PTAR1: variants seen among roughly 807,000 people sequenced by gnomAD.
PTAR1 encodes protein prenyltransferase alpha subunit repeat-containing protein 1.
In PTAR1, 17 loss-of-function variants were observed where a neutral mutation model predicts 45.5. The ratio of observed to expected loss-of-function variants is 0.37; its 90% CI spans 0.26 to 0.56. The LOEUF is 0.56. Ranked by LOEUF, PTAR1 falls within the 20% of genes least tolerant of loss-of-function variation. PTAR1 has a pLI of 0.77. For synonymous variants in PTAR1, 169 were observed against 171.3 expected, an observed-to-expected ratio of 0.99 and a Z score of 0.11; for missense variants, 391 against 476.3, an observed-to-expected ratio of 0.82 and a Z score of 1.67.
rs897570974 is a variant in PTAR1, at chr9:69,715,296, C to A, written c.*3046G>T. 1 of 152,104 alleles carries A rather than the reference C, an allele frequency of 6.6e-6. No individual in the cohort carries two copies. Among genetic ancestry groups the A allele is most frequent in the African/African-American group, 2.4e-5 (1 of 41,438 alleles). The allele number at this position is 152,104 out of a possible 1,614,324, so 9.4% of individuals were successfully genotyped here. A position where few individuals can be genotyped will look rare whatever the true frequency, so the allele number is the denominator to read the frequency against. Reference sequence around the variant, plus strand: ...AGCATCATTCATTCCCAATCCATTGCACTAATCCATCAATTTCTCAATCAT... The same window carrying A: ...AGCATCATTCATTCCCAATCCATTGAACTAATCCATCAATTTCTCAATCAT... On this transcript the variant is annotated 3_prime_UTR_variant, in exon 8 of 8. Transcript: ENST00000340434.
At chr9:69,752,081 A>G (rs747184738) in intron 1 of PTAR1, among the ~76,000 whole-genome samples, 6 of 152,158 alleles carry the variant, frequency 3.9e-5, no homozygotes, top group Non-Finnish European at 5.9e-5. Flanking sequence ...CTTTTTAACA[A>G]TAAGAGTAGT....
intron 1 of PTAR1, among the ~76,000 whole-genome samples, chr9:69,755,719 C>T (rs931980867): frequency 6.6e-6 from 1 of 152,136 alleles, no homozygotes; most frequent in African/African-American, 2.4e-5. Context: ...AAGGAACTGA[C>T]CGTTGCATAT....
rs1386228602 is a variant in PTAR1, at chr9:69,741,573, CAACAT to C, written c.323+214_323+218del. On this transcript the variant is annotated intron_variant, in intron 3 of 7. Coordinates refer to ENST00000340434, the MANE Select transcript of PTAR1 (RefSeq NM_001099666.2). ...ATGTATCAAACAGTATACTGTAACT[CAACAT>C]GACAATTTATATTTCAGGCAAGAAA... is the stretch of plus-strand genomic sequence containing the variant. 42 of 536,732 alleles carry C rather than the reference CAACAT, an allele frequency of 7.8e-5. No individual in the cohort carries two copies. In the Admixed American group the frequency reaches 1.3e-3, roughly 17 times the overall value. 33.2% of individuals were successfully genotyped at this position (536,732 alleles called of 1,614,324 possible).
chr9:69,720,345 C>T (rs185385724), intron 6 of PTAR1, among the ~76,000 whole-genome samples: 34 of 152,268 alleles, frequency 2.2e-4, no homozygotes, highest in Non-Finnish European at 2.4e-4. Context: ...TTCCCTTAAG[C>T]CAAAACCTAA....
At chr9:69,742,999 G>T (rs1826110089) in intron 2 of PTAR1, among the ~76,000 whole-genome samples, 1 of 151,980 alleles carries the variant, frequency 6.6e-6, no homozygotes, top group African/African-American at 2.4e-5. Context: ...TAGGATTAAG[G>T]TTATCTATCT....
chr9:69,731,310 C>A (rs894125415), intron 5 of PTAR1, among the ~76,000 whole-genome samples: 4 of 152,162 alleles, frequency 2.6e-5, no homozygotes, highest in Non-Finnish European at 5.9e-5. Flanking sequence ...CTTCAATCTT[C>A]AACTTGACCT....
chr9:69,730,028 C>T (rs749463409), intron 5 of PTAR1, among the ~76,000 whole-genome samples: 8 of 151,976 alleles, frequency 5.3e-5, no homozygotes, highest in Non-Finnish European at 1.2e-4. Context: ...CTGATTTAGA[C>T]TACTGGTATT....
chr9:69,755,720 C>T (rs185035532), intron 1 of PTAR1, among the ~76,000 whole-genome samples: 2 of 152,172 alleles, frequency 1.3e-5, no homozygotes, highest in Admixed American at 6.5e-5. Context: ...AGGAACTGAC[C>T]GTTGCATATT....
chr9:69,722,516 T>C (rs1825059327), intron 6 of PTAR1, among the ~76,000 whole-genome samples: 1 of 152,172 alleles, frequency 6.6e-6, no homozygotes, highest in Non-Finnish European at 1.5e-5. Flanking sequence ...GTCAAGAGAT[T>C]ATACTTCAGG....
intron 6 of PTAR1, among the ~76,000 whole-genome samples, chr9:69,720,598 G>A (rs1410806955): frequency 6.6e-6 from 1 of 152,208 alleles, no homozygotes; most frequent in African/African-American, 2.4e-5. Flanking sequence ...CAATGTAGAT[G>A]AAATACCCTT....
chr9:69,759,651 G>A (rs1448124709), intron 1 of PTAR1, among the ~76,000 whole-genome samples: 1 of 152,162 alleles, frequency 6.6e-6, no homozygotes, highest in East Asian at 1.9e-4. Context: ...CTAGGGACTC[G>A]ACCGCGAGCG....
At chr9:69,732,015 G>T (rs909361521) in intron 5 of PTAR1, 124 bp downstream of exon 5, 1 of 661,628 alleles carries the variant, frequency 1.5e-6, no homozygotes, top group Non-Finnish European at 2.6e-6. Flanking sequence ...CAGCTGTTGC[G>T]ATTCTCTCAA....
rs1824508285 is a variant in PTAR1, at chr9:69,711,128, A to G, written c.*7214T>C. 1.3e-5 allele frequency: 2 copies of G among 152,054 alleles called. No individual in the cohort carries two copies. The highest frequency in any genetic ancestry group is 4.1e-4 in the South Asian group (2 of 4,826). 9.4% of individuals were successfully genotyped at this position (152,054 alleles called of 1,614,324 possible). On this transcript the variant is annotated 3_prime_UTR_variant, in exon 8 of 8. Transcript: ENST00000340434. ...GTGTATAAATATTTGGCATACTTAT[A>G]ATACCTCATCTTTTATTTTTTCCAA... is the stretch of plus-strand genomic sequence containing the variant.
At chr9:69,735,894 A>G (rs1176770490) in intron 3 of PTAR1, among the ~76,000 whole-genome samples, 1 of 150,520 alleles carries the variant, frequency 6.6e-6, no homozygotes. Flanking sequence ...TGATAAAGAA[A>G]ACAACTATTT....
At chr9:69,739,911 C>A (rs1299023195) in intron 3 of PTAR1, among the ~76,000 whole-genome samples, 1 of 152,104 alleles carries the variant, frequency 6.6e-6, no homozygotes, top group Non-Finnish European at 1.5e-5. Flanking sequence ...TCATAAACAT[C>A]CCTCAAGTTA....
At chr9:69,740,443 C>A (rs1238447100) in intron 3 of PTAR1, among the ~76,000 whole-genome samples, 3 of 151,704 alleles carry the variant, frequency 2.0e-5, no homozygotes, top group Admixed American at 6.6e-5. Flanking sequence ...CCTATCTATG[C>A]ATATATGCTA....
At position 69,711,571 on chromosome 9, in the gene PTAR1, A is replaced by G. The variant is rs1025345081; in HGVS notation, c.*6771T>C. ...CGCTAGAAACAAGTAAGATTTAAGG[A>G]AAAATAAAAAGAACCTAAACCCGAT... On this transcript the variant is annotated 3_prime_UTR_variant, in exon 8 of 8. Coordinates refer to ENST00000340434, the MANE Select transcript of PTAR1 (RefSeq NM_001099666.2). 2.0e-5 allele frequency: 3 copies of G among 152,174 alleles called. No homozygotes were observed. The highest frequency in any genetic ancestry group is 7.2e-5 in the African/African-American group (3 of 41,444). 9.4% of individuals were successfully genotyped at this position (152,174 alleles called of 1,614,324 possible). A position where few individuals can be genotyped will look rare whatever the true frequency, so the allele number is the denominator to read the frequency against.
chr9:69,756,788 T>C (rs932953343), intron 1 of PTAR1, among the ~76,000 whole-genome samples: 2 of 152,208 alleles, frequency 1.3e-5, no homozygotes, highest in African/African-American at 4.8e-5. Context: ...TATCCAACTT[T>C]TACTATAAAC....
At chr9:69,721,897 C>CA (rs199758284) in intron 6 of PTAR1, among the ~76,000 whole-genome samples, 8 of 150,802 alleles carry the variant, frequency 5.3e-5, no homozygotes, top group African/African-American at 9.7e-5. Context: ...TACTGGGAAA[C>CA]AAAAAAAAAT....
Sources: allele counts gnomAD v4.1 joint callset (sites outside exome capture counted in the v4.1 genomes callset), GRCh38; gene constraint gnomAD v4.1.1; transcripts MANE v1.5; gene names NCBI Gene and HGNC (gene_info 2026-07-23, HGNC 2026-07-21).